The following ANKRD22 variants were observed in gnomAD, a reference collection of about 807,000 sequenced individuals.
ANKRD22 encodes the protein ankyrin repeat domain-containing protein 22.
In ANKRD22, 24 loss-of-function variants were observed where a neutral mutation model predicts 25.7. That is an observed-to-expected ratio of 0.93 (90% CI 0.68 to 1.31). The LOEUF (loss-of-function observed/expected upper bound fraction) is 1.31, where lower values mean the gene tolerates loss of function less well. Ranked by LOEUF, ANKRD22 falls within the 50% of genes most tolerant of loss-of-function variation. The pLI, the probability that ANKRD22 is intolerant of heterozygous loss-of-function variation, is 0.00. For synonymous variants in ANKRD22, 84 were observed against 84.3 expected (o/e 1.00, Z 0.02); for missense variants, 214 against 227.1 (o/e 0.94, Z 0.37).
intron 2 of ANKRD22, among the ~76,000 whole-genome samples, chr10:88,828,922 G>A (rs1811405613): frequency 1.3e-5 from 2 of 152,114 alleles, no homozygotes; most frequent in African/African-American, 4.8e-5. Context: ...GAGCTCATCA[G>A]AAGACAGATT....
At chr10:88,832,483 C>G (rs551860016) in intron 1 of ANKRD22, among the ~76,000 whole-genome samples, 2 of 151,818 alleles carry the variant, frequency 1.3e-5, no homozygotes, top group East Asian at 3.9e-4. Flanking sequence ...GATAAAATAT[C>G]TTTATCTTTA....
chr10:88,823,280 C>T lies in ANKRD22; in HGVS notation c.498G>A (p.Lys166=). 1 of 1,610,726 alleles carries T rather than the reference C, an allele frequency of 6.2e-7. No individual in the cohort carries two copies. The highest frequency in any genetic ancestry group is 8.5e-7 in the Non-Finnish European group (1 of 1,176,998). The change falls in exon 5 of 6, where the codon AAG becomes AAA. Residue 166 remains lysine (K), a splice_region_variant and synonymous_variant. Transcript: ENST00000371930. The part of the protein sequence containing the change: ...EARADPTIKN[K]HGESSLDIAR... Reference sequence around the variant, plus strand: ...CAGACCACGGTCCACCCTCCCTTACCTTATTCTTTATTGTGGGGTCTGCAC... The same window carrying T: ...CAGACCACGGTCCACCCTCCCTTACTTTATTCTTTATTGTGGGGTCTGCAC...
At chr10:88,838,780 A>G (rs1843978557) in intron 1 of ANKRD22, among the ~76,000 whole-genome samples, 1 of 152,194 alleles carries the variant, frequency 6.6e-6, no homozygotes. Context: ...ATGGTCAAAA[A>G]ACAACGGTGA....
At chr10:88,844,460 A>C (rs897943646) in intron 1 of ANKRD22, among the ~76,000 whole-genome samples, 1 of 152,134 alleles carries the variant, frequency 6.6e-6, no homozygotes, top group Non-Finnish European at 1.5e-5. Context: ...ATAGTACTTT[A>C]TGGGTTTCCA....
chr10:88,828,486 G>T, intron 3 of ANKRD22, 73 bp downstream of exon 3: 1 of 1,127,756 alleles, frequency 8.9e-7, no homozygotes, highest in Non-Finnish European at 1.3e-6. Flanking sequence ...ACATCTCACT[G>T]GCCTGGCAAG....
intron 1 of ANKRD22, among the ~76,000 whole-genome samples, chr10:88,846,396 C>T (rs1220096429): frequency 6.6e-6 from 1 of 152,140 alleles, no homozygotes; most frequent in Admixed American, 6.5e-5. Context: ...ACACCATTCT[C>T]ACATGGCTAA....
At chr10:88,830,755 G>A (rs767732179) in intron 2 of ANKRD22, among the ~76,000 whole-genome samples, 9 of 152,144 alleles carry the variant, frequency 5.9e-5, no homozygotes, top group Admixed American at 1.3e-4. Context: ...ATGGGCTAAC[G>A]TCTCCTCCCT....
chr10:88,825,918 T>G, intron 4 of ANKRD22, 120 bp downstream of exon 4: 1 of 860,634 alleles, frequency 1.2e-6, no homozygotes, highest in African/African-American at 1.7e-5. Context: ...AAGGAGAAAA[T>G]AAAAGAAAAC....
intron 1 of ANKRD22, among the ~76,000 whole-genome samples, chr10:88,847,608 A>T (rs192448718): frequency 6.6e-6 from 1 of 152,218 alleles, no homozygotes; most frequent in East Asian, 1.9e-4. Flanking sequence ...CCACTGTCCA[A>T]TTTATCCAAA....
intron 4 of ANKRD22, among the ~76,000 whole-genome samples, chr10:88,824,440 G>T (rs540036096): frequency 6.6e-6 from 1 of 152,300 alleles, no homozygotes; most frequent in South Asian, 2.1e-4. Flanking sequence ...TTTTTATTAA[G>T]TGGTGGCATG....
chr10:88,832,109 C>T (rs1589324683), intron 1 of ANKRD22, 83 bp from the exon 2 acceptor site: 1 of 1,360,342 alleles, frequency 7.4e-7, no homozygotes, highest in Non-Finnish European at 1.0e-6. Flanking sequence ...TAACCCAATA[C>T]ATTAAAATTT....
At chr10:88,849,685 A>G (rs1285228532) in intron 1 of ANKRD22, among the ~76,000 whole-genome samples, 1 of 152,180 alleles carries the variant, frequency 6.6e-6, no homozygotes, top group Non-Finnish European at 1.5e-5. Context: ...CCTAATCTAT[A>G]AGAAGCCCTA....
At chr10:88,825,679 A>T (rs1341898715) in intron 4 of ANKRD22, among the ~76,000 whole-genome samples, 1 of 152,108 alleles carries the variant, frequency 6.6e-6, no homozygotes, top group African/African-American at 2.4e-5. Context: ...ACTTGCTCAA[A>T]CTCATAGAAG....
intron 1 of ANKRD22, among the ~76,000 whole-genome samples, chr10:88,848,164 G>GTATATATGTGTA (rs773469859): frequency 1.4e-5 from 2 of 139,642 alleles, no homozygotes; most frequent in Non-Finnish European, 3.0e-5. Flanking sequence ...ATATATATAT[G>GTATATATGTGTA]TATATATGTG....
In ANKRD22 at chr10:88,822,905, ACT is replaced by A; in HGVS notation, c.*34_*35del. 6.4e-7 allele frequency: 1 copy of A among 1,571,216 alleles called. No individual in the cohort carries two copies. Among genetic ancestry groups the A allele is most frequent in the Non-Finnish European group, 8.7e-7 (1 of 1,143,640 alleles). ...AAATGAAGATAGAATCCAGTCGTTA[ACT>A]TTTTCTGTATCTCCATCGGTGTGGT... On this transcript the variant is annotated 3_prime_UTR_variant, in exon 6 of 6. Coordinates refer to ENST00000371930, the MANE Select transcript of ANKRD22 (RefSeq NM_144590.3).
At chr10:88,850,801 T>A (rs759447061) in intron 1 of ANKRD22, among the ~76,000 whole-genome samples, 20 of 152,064 alleles carry the variant, frequency 1.3e-4, no homozygotes, top group Non-Finnish European at 1.5e-5. Context: ...TAGAAATAAC[T>A]GCAAATAAAC....
chr10:88,830,991 T>C (rs538851883), intron 2 of ANKRD22, among the ~76,000 whole-genome samples: 95 of 152,284 alleles, frequency 6.2e-4, no homozygotes, highest in African/African-American at 2.1e-3. Context: ...AAAAGTCCAG[T>C]AATGATCAAT....
Position 88,826,086 on chromosome 10 carries a change from A to G in ANKRD22, c.351T>C (p.Leu117=). 1 of 1,613,120 alleles carries G rather than the reference A, an allele frequency of 6.2e-7. No homozygotes were observed. Among genetic ancestry groups the G allele is most frequent in the African/African-American group, 1.3e-5 (1 of 75,026 alleles). The change falls in exon 4 of 6, where the codon CTT becomes CTC. Residue 117 remains leucine, a synonymous_variant. Transcript: ENST00000371930. The part of the protein sequence containing the change: ...MVSKTKQNEA[L]VRMLLDAGVE... ...CGCCAGCATCAAGTAGCATTCGTAC[A>G]AGAGCCTCATTCTGCTTTGTCTTTG...
At chr10:88,828,519 T>A (rs537677567) in intron 3 of ANKRD22, 40 bp downstream of exon 3, 4 of 1,413,222 alleles carry the variant, frequency 2.8e-6, no homozygotes, top group Non-Finnish European at 4.0e-6. Context: ...ACACCATCGA[T>A]CTCCACATTT....
Sources: allele counts gnomAD v4.1 joint callset (sites outside exome capture counted in the v4.1 genomes callset), GRCh38; gene constraint gnomAD v4.1.1; transcripts MANE v1.5; gene names NCBI Gene and HGNC (gene_info 2026-07-23, HGNC 2026-07-21).